The following NCOA2 variants were observed in gnomAD, a reference collection of about 807,000 sequenced individuals.
The protein encoded by NCOA2 is class E basic helix-loop-helix protein 75.
Under a neutral mutation model 145.1 loss-of-function variants are expected in NCOA2, and 21 were observed. The observed-to-expected ratio is 0.14, with a 90% CI of 0.10 to 0.21. The LOEUF (loss-of-function observed/expected upper bound fraction) is 0.21, where lower values mean the gene tolerates loss of function less well. NCOA2 is among the 10% of genes least tolerant of loss of function. The pLI, the probability that NCOA2 is intolerant of heterozygous loss-of-function variation, is 1.00. For synonymous variants in NCOA2, 619 were observed against 637.5 expected (o/e 0.97, Z 0.44); for missense variants, 1,472 against 1,837.6 (o/e 0.80, Z 3.64).
rs1585827856 is a variant in NCOA2 at position 70,145,450 on chromosome 8, G to A, written c.2606-602C>T. 2.6e-5 allele frequency among the ~76,000 whole-genome samples: 4 copies of A among 151,920 alleles called. No individual in the cohort carries two copies. The South Asian group carries it at 8.4e-4, about 32-fold the overall frequency. On this transcript the variant is annotated intron_variant, in intron 12 of 22. Coordinates refer to ENST00000452400, the MANE Select transcript of NCOA2 (RefSeq NM_006540.4). ...AGTGATTCTCTTGCCTCAGCCTCCC[G>A]AGTAGCTGGGACTACAGCTGTGCCA...
At chr8:70,198,532 G>A (rs1251842459) in intron 4 of NCOA2, among the ~76,000 whole-genome samples, 1 of 152,124 alleles carries the variant, frequency 6.6e-6, no homozygotes, top group African/African-American at 2.4e-5. Flanking sequence ...GAAAGTTAAT[G>A]GTGATAGCAG....
intron 5 of NCOA2, among the ~76,000 whole-genome samples, chr8:70,171,953 A>G (rs1814304431): frequency 6.6e-6 from 1 of 152,162 alleles, no homozygotes; most frequent in African/African-American, 2.4e-5. Context: ...CCTACCAAGT[A>G]GCTGGAACTA....
chr8:70,278,619 TC>T (rs1461656100), intron 2 of NCOA2, among the ~76,000 whole-genome samples: 2 of 152,028 alleles, frequency 1.3e-5, no homozygotes, highest in Admixed American at 1.3e-4. Context: ...CGCCTCAGCC[TC>T]CAGTATTGCC....
chr8:70,308,434 GGTGT>G (rs370382965), intron 1 of NCOA2, among the ~76,000 whole-genome samples: 40 of 151,620 alleles, frequency 2.6e-4, no homozygotes, highest in Non-Finnish European at 5.0e-4. Flanking sequence ...TATGAAATGA[GGTGT>G]GTGTGTGTGT....
At chr8:70,129,819 C>T (rs566598617) in intron 16 of NCOA2, among the ~76,000 whole-genome samples, 25 of 152,262 alleles carry the variant, frequency 1.6e-4, no homozygotes, top group East Asian at 1.9e-4. Flanking sequence ...CACAGGCATG[C>T]GCCACCAAGC....
intron 1 of NCOA2, among the ~76,000 whole-genome samples, chr8:70,351,229 A>G (rs150978573): frequency 6.6e-6 from 1 of 152,350 alleles, no homozygotes; most frequent in East Asian, 1.9e-4. Flanking sequence ...CGGTAAACAT[A>G]TACCGACAAC....
At chr8:70,130,517 C>T (rs982555712) in intron 16 of NCOA2, among the ~76,000 whole-genome samples, 4 of 151,984 alleles carry the variant, frequency 2.6e-5, no homozygotes, top group African/African-American at 4.8e-5. Flanking sequence ...ACCAGTCACA[C>T]AGGAAATACT....
At chr8:70,324,473 G>C (rs1806378025) in intron 1 of NCOA2, among the ~76,000 whole-genome samples, 1 of 152,114 alleles carries the variant, frequency 6.6e-6, no homozygotes, top group African/African-American at 2.4e-5. Flanking sequence ...AGGTTGCTGG[G>C]ACTGTAGGCA....
intron 5 of NCOA2, among the ~76,000 whole-genome samples, chr8:70,173,828 T>C (rs34022205): frequency 0.061 from 9,257 of 151,842 alleles, 666 homozygotes; most frequent in East Asian, 0.37. Flanking sequence ...TTTCTAAAAA[T>C]AAAAATCCCT....
intron 2 of NCOA2, among the ~76,000 whole-genome samples, chr8:70,220,661 A>G (rs2134016900): frequency 6.6e-6 from 1 of 152,338 alleles, no homozygotes; most frequent in South Asian, 2.1e-4. Context: ...TTAAACCTCA[A>G]CACAATTCAA....
At chr8:70,307,928 T>G (rs558837781) in intron 1 of NCOA2, among the ~76,000 whole-genome samples, 42 of 152,310 alleles carry the variant, frequency 2.8e-4, no homozygotes, top group African/African-American at 9.9e-4. Context: ...AAAAGGAATC[T>G]AGTAACATAC....
At chr8:70,321,308 C>A (rs1371050536) in intron 1 of NCOA2, among the ~76,000 whole-genome samples, 1 of 151,708 alleles carries the variant, frequency 6.6e-6, no homozygotes, top group Admixed American at 6.6e-5. Flanking sequence ...ACATTATATT[C>A]ATAAAATATA....
intron 2 of NCOA2, among the ~76,000 whole-genome samples, chr8:70,272,203 CT>C (rs1232977262): frequency 1.3e-5 from 2 of 152,056 alleles, no homozygotes; most frequent in Non-Finnish European, 1.5e-5. Flanking sequence ...TTTTCTTCTT[CT>C]TTTTTTAAAC....
chr8:70,423,461 C>A, the NCOA2 span, among the ~76,000 whole-genome samples: 1 of 152,132 alleles, frequency 6.6e-6, no homozygotes, highest in Admixed American at 6.6e-5. Flanking sequence ...GGGATTGAGC[C>A]ACCGCGCCTG....
intron 1 of NCOA2, among the ~76,000 whole-genome samples, chr8:70,380,750 T>C (rs1032122399): frequency 6.6e-6 from 1 of 151,958 alleles, no homozygotes; most frequent in African/African-American, 2.4e-5. Flanking sequence ...TGTTAATTCA[T>C]ATATACCACA....
chr8:70,116,096 A>C (rs929635814), intron 22 of NCOA2, among the ~76,000 whole-genome samples: 3 of 149,564 alleles, frequency 2.0e-5, no homozygotes, highest in Non-Finnish European at 4.4e-5. Flanking sequence ...CTGAGGAAGG[A>C]GAATGGCATG....
chr8:70,170,469 C>G, intron 5 of NCOA2, 90 bp from the exon 6 acceptor site: 4 of 1,098,318 alleles, frequency 3.6e-6, no homozygotes, highest in Non-Finnish European at 5.0e-6. Context: ...TTCAAGGAAA[C>G]ACAATTCACA....
the NCOA2 span, among the ~76,000 whole-genome samples, chr8:70,418,873 T>C: frequency 3.8e-4 from 58 of 152,320 alleles, no homozygotes; most frequent in African/African-American, 1.3e-3. Flanking sequence ...AATATATTCA[T>C]TTTAGCAAAC....
At chr8:70,403,592 G>A in intron 1 of NCOA2, 108 bp downstream of exon 1, 1 of 321,964 alleles carries the variant, frequency 3.1e-6, no homozygotes, top group Admixed American at 5.0e-5. Context: ...GGCTCTGTCG[G>A]AGCTCGGCGC....
Sources: allele counts gnomAD v4.1 joint callset (sites outside exome capture counted in the v4.1 genomes callset), GRCh38; gene constraint gnomAD v4.1.1; transcripts MANE v1.5; gene names NCBI Gene and HGNC (gene_info 2026-07-23, HGNC 2026-07-21).